Variants in SETD4 observed in about 807,000 individuals in gnomAD.
SETD4 encodes SET domain-containing protein 4.
SETD4 carries 46 observed loss-of-function variants against 58.3 expected under a neutral mutation model. The ratio of observed to expected loss-of-function variants is 0.79; its 90% confidence interval spans 0.62 to 1.01. The LOEUF (loss-of-function observed/expected upper bound fraction) is 1.01. Among genes scored for constraint, SETD4 ranks in the 50% least tolerant of loss-of-function variants. SETD4 has a pLI of 0.00. For missense variants in SETD4, 490 were observed against 523.3 expected (o/e 0.94, Z 0.62); for synonymous variants, 190 against 202.6 (o/e 0.94, Z 0.53).
In SETD4 at chr21:36,045,883, CA is replaced by C. The variant is rs2064303390; in HGVS notation, c.424del (p.Cys142ValfsTer7). On this transcript the variant is annotated frameshift_variant, in exon 6 of 12. Transcript: ENST00000332131. LOFTEE classifies it high-confidence loss of function. ...AAGGTTCACCACTTCCGGCTCCAAA[CA>C]AACAGGGCAGGTATACGCCTTGGGT... ...ILPKAYTCPV[C>X]LEPEVVNLLP... is the part of the protein sequence containing the mutation. 1 of 1,614,206 alleles carries C rather than the reference CA, an allele frequency of 6.2e-7. No homozygotes were observed. Among genetic ancestry groups the C allele is most frequent in the Non-Finnish European group, 8.5e-7 (1 of 1,180,034 alleles).
At chr21:36,049,021 G>A (rs2064499122) in intron 4 of SETD4, among the ~76,000 whole-genome samples, 1 of 152,178 alleles carries the variant, frequency 6.6e-6, no homozygotes, top group Admixed American at 6.5e-5. Flanking sequence ...GTGGCCAGGT[G>A]ATGGTCTGCT....
chr21:36,059,036 C>T lies in SETD4; in HGVS notation c.-36-112G>A, dbSNP rs1158904915. Reference sequence around the variant, plus strand: ...TATATGATAATCACTGTTCTTTGTACCTTTAAGTATACAAATGTATGTTTT... The same window carrying T: ...TATATGATAATCACTGTTCTTTGTATCTTTAAGTATACAAATGTATGTTTT... On this transcript the variant is annotated intron_variant, in intron 1 of 11. Transcript: ENST00000332131. 3 of 1,228,462 alleles carry T rather than the reference C, an allele frequency of 2.4e-6. No individual in the cohort carries two copies. In the Admixed American group the frequency reaches 9.2e-5, roughly 38 times the overall value. 76.1% of individuals were successfully genotyped at this position (1,228,462 alleles called of 1,614,324 possible). A position where few individuals can be genotyped will look rare whatever the true frequency, so the allele number is the denominator to read the frequency against.
chr21:36,036,509 C>T (rs1427910330), intron 10 of SETD4: 2 of 452,748 alleles, frequency 4.4e-6, no homozygotes, highest in Non-Finnish European at 5.8e-6. Flanking sequence ...TCTGTCTCTA[C>T]GAACTCACCT....
In SETD4 at chr21:36,045,609, G is replaced by A. The variant is rs747647887; in HGVS notation, c.699C>T (p.Asp233=). Residue 233 remains aspartate, a synonymous_variant, in exon 6 of 12, where the codon GAC becomes GAT. Coordinates refer to ENST00000332131, the MANE Select transcript of SETD4 (RefSeq NM_017438.5). ...PDTCALAPYL[D]LLNHSPHVQV... ...GGACATGTGGGCTATGATTCAGCAGGTCCAGGTACGGAGCGAGTGCACAGG... is the reference window on the plus strand; with the variant it reads ...GGACATGTGGGCTATGATTCAGCAGATCCAGGTACGGAGCGAGTGCACAGG... The A allele has an allele frequency of 6.2e-7, 1 of 1,613,994 alleles. No homozygotes were observed.
At chr21:36,048,717 CTTT>C (rs5843739) in intron 4 of SETD4, among the ~76,000 whole-genome samples, 4 of 129,766 alleles carry the variant, frequency 3.1e-5, no homozygotes, top group African/African-American at 5.9e-5. Context: ...TGTTTCTTCA[CTTT>C]TTTTTTTTTT....
rs895147781 is a variant in SETD4, at chr21:36,035,789, T to A, written c.*204A>T. 3.0e-6 allele frequency: 1 copy of A among 336,898 alleles called. No individual in the cohort carries two copies. The highest frequency in any genetic ancestry group is 2.2e-5 in the African/African-American group (1 of 45,386). The allele number at this position is 336,898 out of a possible 1,614,324, so 20.9% of individuals were successfully genotyped here. A position where few individuals can be genotyped will look rare whatever the true frequency, so the allele number is the denominator to read the frequency against. On this transcript the variant is annotated 3_prime_UTR_variant, in exon 12 of 12. Coordinates refer to ENST00000332131, the MANE Select transcript of SETD4 (RefSeq NM_017438.5). ...TCACAGTCCGCCTCTCTCCTCACAG[T>A]TCAGCACTTTATTCGGAAGAGCATT... is the stretch of plus-strand genomic sequence containing the variant.
chr21:36,037,187 C>CA (rs889742273), intron 10 of SETD4, among the ~76,000 whole-genome samples: 9 of 151,658 alleles, frequency 5.9e-5, no homozygotes, highest in South Asian at 2.1e-4. Flanking sequence ...GTTCTCACCA[C>CA]AAAAAAAATA....
intron 8 of SETD4, 72 bp from the exon 9 acceptor site, chr21:36,040,727 G>C: frequency 2.3e-6 from 3 of 1,325,406 alleles, no homozygotes; most frequent in Non-Finnish European, 3.3e-6. Flanking sequence ...AATGACTGAA[G>C]AGCCAAACAC....
intron 6 of SETD4, among the ~76,000 whole-genome samples, chr21:36,044,440 T>C (rs1310682685): frequency 1.3e-5 from 2 of 152,226 alleles, no homozygotes; most frequent in Non-Finnish European, 2.9e-5. Context: ...TGCTGTGGTC[T>C]TCCTACAGTA....
chr21:36,057,606 A>G (rs2065051906), intron 2 of SETD4: 1 of 414,192 alleles, frequency 2.4e-6, no homozygotes, highest in African/African-American at 2.0e-5. Context: ...AAATTCAAGC[A>G]GGCTTTCATA....
chr21:36,058,660 G>A (rs2065116522), intron 2 of SETD4, among the ~76,000 whole-genome samples, 156 bp downstream of exon 2: 1 of 152,184 alleles, frequency 6.6e-6, no homozygotes, highest in Admixed American at 6.5e-5. Context: ...AGAGGTTGCA[G>A]TGAGCCAAGA....
chr21:36,050,874 T>G, intron 4 of SETD4: 5 of 1,611,056 alleles, frequency 3.1e-6, no homozygotes, highest in Non-Finnish European at 4.2e-6. Flanking sequence ...CATGTTACAT[T>G]GTTCAACAGA....
chr21:36,036,279 T>A (rs567083371), intron 10 of SETD4, 28 bp from the exon 11 acceptor site: 3 of 1,549,376 alleles, frequency 1.9e-6, no homozygotes, highest in East Asian at 4.5e-5. Context: ...ATTATTGTTA[T>A]TGTAGTAAAA....
chr21:36,053,720 C>T (rs994525466), intron 3 of SETD4, 100 bp from the exon 4 acceptor site: 6 of 1,181,912 alleles, frequency 5.1e-6, no homozygotes, highest in African/African-American at 1.5e-5. Flanking sequence ...CAAAATTACA[C>T]AAGGCTGAAG....
intron 8 of SETD4, 118 bp from the exon 9 acceptor site, chr21:36,040,773 C>A (rs2064011241): frequency 2.5e-6 from 2 of 795,416 alleles, no homozygotes; most frequent in East Asian, 2.5e-5. Context: ...ATGTAACCTG[C>A]AACCTCGGCC....
Position 36,057,191 on chromosome 21 carries a change from G to A in SETD4, c.87C>T (p.His29=). Residue 29 remains histidine (H), a synonymous_variant, in exon 3 of 12, where the codon CAC becomes CAT. Coordinates refer to ENST00000332131, the MANE Select transcript of SETD4 (RefSeq NM_017438.5). ...SSESRGVNES[H]KSEFIELRKW... ...TCCTCAGCTCTATAAATTCAGACTT[G>A]TGGCTCTCATTCACTATCAGGCAAG... 6.2e-7 allele frequency: 1 copy of A among 1,614,012 alleles called. No individual in the cohort carries two copies. The highest frequency in any genetic ancestry group is 8.5e-7 in the Non-Finnish European group (1 of 1,179,854).
At chr21:36,051,900 T>C (rs1344936974) in intron 4 of SETD4, among the ~76,000 whole-genome samples, 1 of 152,202 alleles carries the variant, frequency 6.6e-6, no homozygotes, top group Non-Finnish European at 1.5e-5. Context: ...GAGGGGCTCT[T>C]TTACTGGGAT....
chr21:36,038,376 G>A (rs1237831513), intron 9 of SETD4, 103 bp from the exon 10 acceptor site: 10 of 1,380,354 alleles, frequency 7.2e-6, no homozygotes, highest in Middle Eastern at 3.7e-4. Flanking sequence ...TTCTCCAGGA[G>A]CATAATACAA....
chr21:36,059,674 C>T, intron 1 of SETD4: 1 of 900,300 alleles, frequency 1.1e-6, no homozygotes, highest in Non-Finnish European at 1.3e-6. Flanking sequence ...GGCGACAGAG[C>T]GAGACTCTGT....
Sources: gnomAD v4.1 joint callset for allele counts (sites outside exome capture counted in the v4.1 genomes callset) on GRCh38, gnomAD v4.1.1 for gene constraint, MANE v1.5 for transcripts, NCBI Gene and HGNC (gene_info 2026-07-23, HGNC 2026-07-21) for gene names.